Variants in SNX29 observed in about 807,000 individuals in gnomAD.
The protein encoded by SNX29 is sorting nexin 29, also known as sorting nexin-29.
SNX29 carries 78 observed loss-of-function variants against 102.1 expected under a neutral mutation model. The observed-to-expected ratio is 0.76, with a 90% CI of 0.64 to 0.92. SNX29 has a LOEUF of 0.92. SNX29 is among the 40% of genes least tolerant of loss of function. SNX29 has a pLI of 0.00. For missense variants in SNX29, 1,280 were observed against 1,061.7 expected (o/e 1.21, Z -2.86); for synonymous variants, 580 against 414.5 (o/e 1.40, Z -4.85).
intron 20 of SNX29, among the ~76,000 whole-genome samples, chr16:12,538,594 CAGT>C (rs1187491056): frequency 1.3e-5 from 2 of 152,094 alleles, no homozygotes; most frequent in African/African-American, 4.8e-5. Context: ...GTCTGGGAAT[CAGT>C]AGGTGGATGC....
intron 15 of SNX29, among the ~76,000 whole-genome samples, chr16:12,335,922 C>T (rs1824601988): frequency 1.3e-5 from 2 of 151,802 alleles, no homozygotes; most frequent in Non-Finnish European, 2.9e-5. Flanking sequence ...GGATTTGAAC[C>T]CAGGCAGTTG....
intron 20 of SNX29, among the ~76,000 whole-genome samples, chr16:12,540,468 G>A (rs150061836): frequency 2.0e-4 from 30 of 152,334 alleles, no homozygotes; most frequent in South Asian, 8.3e-4. Flanking sequence ...CGTCTTACTA[G>A]GCTACAGTCA....
chr16:12,128,680 T>C (rs1477213810), intron 12 of SNX29, among the ~76,000 whole-genome samples: 2 of 152,296 alleles, frequency 1.3e-5, no homozygotes, highest in Middle Eastern at 3.4e-3. Context: ...CTCAAACTCC[T>C]GACCTCAAGT....
At chr16:12,485,959 G>A (rs547124316) in intron 19 of SNX29, among the ~76,000 whole-genome samples, 3 of 152,308 alleles carry the variant, frequency 2.0e-5, no homozygotes, top group South Asian at 2.1e-4. Flanking sequence ...TGTACATCCC[G>A]GATCAGTTTC....
chr16:12,410,319 C>A (rs879196694), intron 18 of SNX29, among the ~76,000 whole-genome samples: 1 of 152,184 alleles, frequency 6.6e-6, no homozygotes, highest in African/African-American at 2.4e-5. Flanking sequence ...AGAATAAGTT[C>A]TGTTTCCTAG....
At position 12,514,866 on chromosome 16, in the gene SNX29, A is replaced by G. The variant is rs1350281437; in HGVS notation, c.2179-9836A>G. Among the ~76,000 whole-genome samples, 7 of 151,764 alleles carry G rather than the reference A, an allele frequency of 4.6e-5. No homozygotes were observed. The East Asian group carries it at 1.4e-3, about 29-fold the overall frequency. On this transcript the variant is annotated intron_variant, in intron 19 of 20. Coordinates refer to ENST00000566228, the MANE Select transcript of SNX29 (RefSeq NM_032167.5). ...GACAACAGAGCAAAATTAGGTCTCT[A>G]AAAAACAAAGAAAGAAAGAAAGAGA...
chr16:12,022,557 G>C (rs1225461093), intron 3 of SNX29, among the ~76,000 whole-genome samples: 1 of 152,118 alleles, frequency 6.6e-6, no homozygotes, highest in African/African-American at 2.4e-5. Context: ...TCACAATTCA[G>C]TTTTAGAGCA....
At position 12,571,896 on chromosome 16, in the gene SNX29, C is replaced by T. The variant is rs143130623; in HGVS notation, c.*3267C>T. The T allele has an allele frequency of 4.1e-5, 44 of 1,062,054 alleles. No individual in the cohort carries two copies. The highest frequency in any genetic ancestry group is 1.3e-4 in the African/African-American group (8 of 61,002). The allele number at this position is 1,062,054 out of a possible 1,614,324, so 65.8% of individuals were successfully genotyped here. ...GAGTTTGGAGCTGAGGTTCAAAGCC[C>T]CCTGCATTTCTCTACTGGCAGGCCC... On this transcript the variant is annotated 3_prime_UTR_variant, in exon 21 of 21. Coordinates refer to ENST00000566228, the MANE Select transcript of SNX29 (RefSeq NM_032167.5).
At position 12,574,286 on chromosome 16, in the gene SNX29, T is replaced by G. The variant is rs1402255915; in HGVS notation, c.*5657T>G. On this transcript the variant is annotated 3_prime_UTR_variant, in exon 21 of 21. Coordinates refer to ENST00000566228, the MANE Select transcript of SNX29 (RefSeq NM_032167.5). The stretch of plus-strand genomic sequence containing the variant: ...ACATTTTATAAATTAGATACTTCAG[T>G]GGATGGTCTCTGTCTCAGTTCTTTT... 1 of 171,976 alleles carries G rather than the reference T, an allele frequency of 5.8e-6. No individual in the cohort carries two copies. The highest frequency in any genetic ancestry group is 1.3e-5 in the Non-Finnish European group (1 of 79,306). The allele number at this position is 171,976 out of a possible 1,614,324, so 10.7% of individuals were successfully genotyped here.
chr16:12,357,265 C>T (rs770775424), intron 16 of SNX29, among the ~76,000 whole-genome samples: 1 of 152,100 alleles, frequency 6.6e-6, no homozygotes, highest in Non-Finnish European at 1.5e-5. Flanking sequence ...CATCTGCTTC[C>T]TCCTCCTATA....
chr16:12,107,345 T>G (rs985263871), intron 11 of SNX29, among the ~76,000 whole-genome samples: 10 of 145,176 alleles, frequency 6.9e-5, no homozygotes, highest in Non-Finnish European at 1.4e-4. Flanking sequence ...TGGGTTTTTT[T>G]TTTTTTTTTT....
rs563873390 is a variant in SNX29, at chr16:12,562,704, T to A, written c.2319-5802T>A. 7.2e-5 allele frequency among the ~76,000 whole-genome samples: 11 copies of A among 152,316 alleles called. No homozygotes were observed. The South Asian group carries it at 2.3e-3, about 32-fold the overall frequency. Reference sequence around the variant, plus strand: ...GCACTGCCTTCTTTGGAGTCGAGATTGAAGCCTACCGTGGTACTGTTTCTC... The same window carrying A: ...GCACTGCCTTCTTTGGAGTCGAGATAGAAGCCTACCGTGGTACTGTTTCTC... On this transcript the variant is annotated intron_variant, in intron 20 of 20. Coordinates refer to ENST00000566228, the MANE Select transcript of SNX29 (RefSeq NM_032167.5).
chr16:12,315,350 T>C (rs181900288), intron 15 of SNX29, among the ~76,000 whole-genome samples: 1 of 152,306 alleles, frequency 6.6e-6, no homozygotes, highest in African/African-American at 2.4e-5. Context: ...ACCTTGTGGA[T>C]CTAACGCCTC....
At chr16:12,219,653 T>C (rs2077423079) in intron 14 of SNX29, among the ~76,000 whole-genome samples, 5 of 152,252 alleles carry the variant, frequency 3.3e-5, no homozygotes, top group Non-Finnish European at 7.3e-5. Context: ...TAAACATGTT[T>C]TCTCTTATTG....
Position 12,572,088 on chromosome 16 carries a change from G to T in SNX29, c.*3459G>T. 9.4e-7 allele frequency: 1 copy of T among 1,063,140 alleles called. No homozygotes were observed. Among genetic ancestry groups the T allele is most frequent in the Non-Finnish European group, 1.1e-6 (1 of 877,652 alleles). 65.9% of individuals were successfully genotyped at this position (1,063,140 alleles called of 1,614,324 possible). A position where few individuals can be genotyped will look rare whatever the true frequency, so the allele number is the denominator to read the frequency against. Reference sequence around the variant, plus strand: ...TTGCAAGATCTAGGAAGAGGAAGGGGAGGGATGTGGACTGGGTCTGATCAC... The same window carrying T: ...TTGCAAGATCTAGGAAGAGGAAGGGTAGGGATGTGGACTGGGTCTGATCAC... On this transcript the variant is annotated 3_prime_UTR_variant, in exon 21 of 21. Coordinates refer to ENST00000566228, the MANE Select transcript of SNX29 (RefSeq NM_032167.5).
intron 16 of SNX29, among the ~76,000 whole-genome samples, chr16:12,393,224 AC>A (rs1158446507): frequency 6.6e-6 from 1 of 152,156 alleles, no homozygotes; most frequent in East Asian, 1.9e-4. Flanking sequence ...GAATCTGAGA[AC>A]CTGGTAATTA....
chr16:12,502,325 A>G (rs533059349), intron 19 of SNX29, among the ~76,000 whole-genome samples: 71 of 152,142 alleles, frequency 4.7e-4, no homozygotes, highest in Non-Finnish European at 8.2e-4. Context: ...AGTGTCTTCA[A>G]GTTTCAAGAC....
intron 16 of SNX29, chr16:12,374,372 T>C (rs1444171178): frequency 2.0e-5 from 3 of 152,310 alleles, no homozygotes; most frequent in Admixed American, 2.0e-4. Context: ...TACAAGTGTC[T>C]GTTGCTCAGA....
chr16:12,218,715 A>G (rs1286514205), intron 14 of SNX29, among the ~76,000 whole-genome samples: 1 of 152,206 alleles, frequency 6.6e-6, no homozygotes, highest in Non-Finnish European at 1.5e-5. Flanking sequence ...GCTATGCTAT[A>G]ATTTTTCAAA....
Sources: gnomAD v4.1 joint callset for allele counts (sites outside exome capture counted in the v4.1 genomes callset) on GRCh38, gnomAD v4.1.1 for gene constraint, MANE v1.5 for transcripts, NCBI Gene and HGNC (gene_info 2026-07-23, HGNC 2026-07-21) for gene names.